The following KLF12 variants were observed in gnomAD, a reference collection of about 807,000 sequenced individuals.
KLF12 encodes KLF transcription factor 12.
In KLF12, 9 loss-of-function variants were observed where a neutral mutation model predicts 37.8. The observed-to-expected ratio is 0.24, with a 90% CI of 0.14 to 0.42. KLF12 has a LOEUF of 0.42. Among genes scored for constraint, KLF12 ranks in the 10% least tolerant of loss-of-function variants. KLF12 has a pLI of 1.00. For synonymous variants in KLF12, 208 were observed against 202.1 expected (o/e 1.03, Z -0.25); for missense variants, 411 against 516.0 (o/e 0.80, Z 1.97).
At chr13:74,103,747 T>C (rs1876494319) in intron 1 of KLF12, among the ~76,000 whole-genome samples, 2 of 152,222 alleles carry the variant, frequency 1.3e-5, no homozygotes, top group African/African-American at 2.4e-5. Flanking sequence ...TATGTACTGA[T>C]GAGACGTAAT....
chr13:73,801,750 A>G (rs1012311473), intron 5 of KLF12: 1 of 151,852 alleles, frequency 6.6e-6, no homozygotes, highest in Non-Finnish European at 1.5e-5. Context: ...ATTTGAAATT[A>G]TGAGTTCTTA....
At chr13:73,828,899 C>A (rs1289642622) in intron 4 of KLF12, among the ~76,000 whole-genome samples, 1 of 150,816 alleles carries the variant, frequency 6.6e-6, no homozygotes, top group Non-Finnish European at 1.5e-5. Flanking sequence ...TCCAAGAGTG[C>A]ATTTTTTAAA....
intron 5 of KLF12, among the ~76,000 whole-genome samples, chr13:73,791,669 G>A (rs772279554): frequency 2.0e-5 from 3 of 152,144 alleles, no homozygotes; most frequent in South Asian, 2.1e-4. Flanking sequence ...TGTTTGATTT[G>A]TTTGCTTGGT....
intron 3 of KLF12, among the ~76,000 whole-genome samples, chr13:73,896,259 T>C (rs1429300148): frequency 1.3e-5 from 2 of 152,222 alleles, no homozygotes; most frequent in Non-Finnish European, 2.9e-5. Flanking sequence ...ATGTTCATGA[T>C]GACTCAGATA....
At chr13:73,716,055 A>G (rs1875778167) in intron 6 of KLF12, among the ~76,000 whole-genome samples, 3 of 152,204 alleles carry the variant, frequency 2.0e-5, no homozygotes, top group Non-Finnish European at 4.4e-5. Flanking sequence ...ATGAATCATG[A>G]CAAGCTATTT....
the KLF12 span, among the ~76,000 whole-genome samples, chr13:74,265,945 G>A: frequency 3.3e-5 from 5 of 152,152 alleles, no homozygotes; most frequent in East Asian, 1.9e-4. Context: ...CATTTCTATC[G>A]CAGCTCCATT....
intron 1 of KLF12, among the ~76,000 whole-genome samples, chr13:74,133,658 C>G (rs1380813365): frequency 7.4e-6 from 1 of 135,168 alleles, no homozygotes; most frequent in Non-Finnish European, 1.6e-5. Context: ...TAAGAGAATA[C>G]GGTCTGATTT....
chr13:74,129,892 T>A (rs1482896775), intron 1 of KLF12, among the ~76,000 whole-genome samples: 3 of 152,216 alleles, frequency 2.0e-5, no homozygotes, highest in East Asian at 1.9e-4. Context: ...AACCATTTAA[T>A]CCACAGCATG....
the KLF12 span, among the ~76,000 whole-genome samples, chr13:74,269,978 G>A: frequency 2.0e-5 from 3 of 152,186 alleles, no homozygotes; most frequent in African/African-American, 4.8e-5. Flanking sequence ...TTTCAGGGAA[G>A]TCTGTGGAGG....
At chr13:74,269,161 C>T in the KLF12 span, among the ~76,000 whole-genome samples, 1 of 152,142 alleles carries the variant, frequency 6.6e-6, no homozygotes, top group South Asian at 2.1e-4. Flanking sequence ...TGTTATTCAA[C>T]CAGCTTTTGT....
the KLF12 span, among the ~76,000 whole-genome samples, chr13:74,174,318 T>A: frequency 6.6e-6 from 1 of 151,580 alleles, no homozygotes; most frequent in Non-Finnish European, 1.5e-5. Context: ...AGTCCTTTTT[T>A]TTTCTTTCTT....
chr13:74,132,314 C>A (rs926356170), intron 1 of KLF12, among the ~76,000 whole-genome samples: 2 of 152,142 alleles, frequency 1.3e-5, no homozygotes, highest in Non-Finnish European at 2.9e-5. Context: ...AAGAAAAGGG[C>A]ATGGAGGCGT....
chr13:74,232,482 C>A, the KLF12 span, among the ~76,000 whole-genome samples: 39 of 152,110 alleles, frequency 2.6e-4, no homozygotes, highest in Non-Finnish European at 3.2e-4. Flanking sequence ...CTATAAGAAA[C>A]TGTCTTGTTC....
intron 3 of KLF12, among the ~76,000 whole-genome samples, chr13:73,862,486 T>A (rs1885980400): frequency 6.6e-6 from 1 of 152,202 alleles, no homozygotes; most frequent in African/African-American, 2.4e-5. Flanking sequence ...AATGCAATAC[T>A]AACTCCCACA....
chr13:74,144,492 C>A, the KLF12 span, among the ~76,000 whole-genome samples: 1 of 152,122 alleles, frequency 6.6e-6, no homozygotes. Context: ...AAGTGCAGTG[C>A]CACATTTTTG....
chr13:73,761,662 T>A (rs1879562296), intron 6 of KLF12, among the ~76,000 whole-genome samples: 1 of 152,190 alleles, frequency 6.6e-6, no homozygotes, highest in African/African-American at 2.4e-5. Flanking sequence ...TCTGGGTTAC[T>A]CATGCCCATG....
intron 4 of KLF12, among the ~76,000 whole-genome samples, chr13:73,813,662 C>G (rs967099400): frequency 6.6e-6 from 1 of 152,152 alleles, no homozygotes; most frequent in African/African-American, 2.4e-5. Context: ...CATTTCACTG[C>G]TCATTAGCAC....
rs529376890 is a variant in KLF12 at position 73,837,125 on chromosome 13, C to T, written c.670+8702G>A. Among the ~76,000 whole-genome samples the T allele has an allele frequency of 2.6e-5, 4 of 152,286 alleles. No homozygotes were observed. The South Asian group carries it at 8.3e-4, about 32-fold the overall frequency. ...CCGTCCTGGGTATCCATACCTTCTC[C>T]TCTTCCTCCTCTTTTCTCCTTTAAA... On this transcript the variant is annotated intron_variant, in intron 4 of 7. Transcript: ENST00000377669.
rs1161452495 is a variant in KLF12 at position 74,100,528 on chromosome 13, G to C, written c.-32+33211C>G. ...AGCTACTTGGGAGGCTGAGACAAGA[G>C]AATCAGTTGAACCCAGGAGACAGAG... On this transcript the variant is annotated intron_variant, in intron 1 of 7. Transcript: ENST00000377669. Among the ~76,000 whole-genome samples the C allele has an allele frequency of 2.0e-5, 3 of 152,070 alleles. No homozygotes were observed. In the East Asian group the frequency reaches 5.8e-4, roughly 29 times the overall value.
Sources: allele counts gnomAD v4.1 joint callset (sites outside exome capture counted in the v4.1 genomes callset), GRCh38; gene constraint gnomAD v4.1.1; transcripts MANE v1.5; gene names NCBI Gene and HGNC (gene_info 2026-07-23, HGNC 2026-07-21).